Variants in PCMT1 observed in about 807,000 individuals in gnomAD.
PCMT1 encodes the protein protein-L-isoaspartate (D-aspartate) O-methyltransferase.
A neutral mutation model predicts 29.2 loss-of-function variants in PCMT1; 9 were observed. The observed-to-expected ratio is 0.31, with a 90% CI of 0.19 to 0.54. The LOEUF (loss-of-function observed/expected upper bound fraction) is 0.54. PCMT1 is among the 20% of genes least tolerant of loss of function. The pLI, the probability that PCMT1 is intolerant of heterozygous loss-of-function variation, is 0.95. For synonymous variants in PCMT1, 98 were observed against 97.5 expected, an observed-to-expected ratio of 1.00 and a Z score of -0.03; for missense variants, 184 against 282.2, an observed-to-expected ratio of 0.65 and a Z score of 2.49.
chr6:149,751,206 A>G (rs1786299870), intron 1 of PCMT1, among the ~76,000 whole-genome samples: 1 of 152,046 alleles, frequency 6.6e-6, no homozygotes, highest in Non-Finnish European at 1.5e-5. Context: ...AATCCCAGCT[A>G]CTTGTGAGGC....
intron 1 of PCMT1, among the ~76,000 whole-genome samples, chr6:149,756,283 T>TTCTAA (rs1554250801): frequency 3.1e-4 from 47 of 151,322 alleles, no homozygotes; most frequent in Admixed American, 1.3e-4. Flanking sequence ...ATGAAATTAT[T>TTCTAA]TTCTATCTAC....
intron 2 of PCMT1, 25 bp downstream of exon 2, chr6:149,771,291 T>C (rs1017676832): frequency 1.1e-5 from 14 of 1,309,408 alleles, no homozygotes; most frequent in Non-Finnish European, 1.5e-5. Context: ...TCTGAAAATA[T>C]CATAGTTTTC....
At chr6:149,761,575 A>C (rs970133582) in intron 1 of PCMT1, among the ~76,000 whole-genome samples, 2 of 152,144 alleles carry the variant, frequency 1.3e-5, no homozygotes, top group African/African-American at 4.8e-5. Flanking sequence ...GTATTTACAC[A>C]ATACAAACCT....
intron 3 of PCMT1, among the ~76,000 whole-genome samples, chr6:149,775,356 A>G (rs542646741): frequency 1.3e-5 from 2 of 152,318 alleles, no homozygotes; most frequent in African/African-American, 4.8e-5. Flanking sequence ...ATACATTTTG[A>G]AACTTACATA....
chr6:149,785,577 T>C (rs1414240072), intron 3 of PCMT1, among the ~76,000 whole-genome samples: 1 of 152,158 alleles, frequency 6.6e-6, no homozygotes, highest in African/African-American at 2.4e-5. Flanking sequence ...TTTGTGTCCC[T>C]GGGTACTTGA....
intron 1 of PCMT1, among the ~76,000 whole-genome samples, chr6:149,758,192 T>TTTCTTTC (rs1786588172): frequency 9.8e-6 from 1 of 101,712 alleles, no homozygotes; most frequent in East Asian, 6.0e-4. Flanking sequence ...CCAATTTTTT[T>TTTCTTTC]TTTCTTTCTT....
Position 149,777,643 on chromosome 6 carries a change from T to C in PCMT1, c.192+4474T>C, listed in dbSNP as rs1290440857. 3.3e-5 allele frequency among the ~76,000 whole-genome samples: 5 copies of C among 152,156 alleles called. 1 individual carries two copies. Among genetic ancestry groups the C allele is most frequent in the Non-Finnish European group, 7.3e-5 (5 of 68,028 alleles). ...ACATATGCACACATACATGCACATA[T>C]ATGTTTTTCTTTGGGAATGAAAACT... is the stretch of plus-strand genomic sequence containing the variant. On this transcript the variant is annotated intron_variant, in intron 3 of 7. Coordinates refer to ENST00000464889, the MANE Select transcript of PCMT1 (RefSeq NM_001360452.2).
At chr6:149,757,491 C>T (rs1356037528) in intron 1 of PCMT1, among the ~76,000 whole-genome samples, 1 of 152,048 alleles carries the variant, frequency 6.6e-6, no homozygotes, top group African/African-American at 2.4e-5. Context: ...ATGAAGATAA[C>T]AAGAGGATCA....
rs367861857 is a variant in PCMT1, at chr6:149,749,872, G to T, written c.-30G>T. On this transcript the variant is annotated 5_prime_UTR_variant, in exon 1 of 8. Transcript: ENST00000464889. ...GGGCACCGTCGTCGCGCTGAAGGTG[G>T]TTCTGTACCTGCTCCGAGTGTGCTT... 43 of 1,603,512 alleles carry T rather than the reference G, an allele frequency of 2.7e-5. No homozygotes were observed. In the African/African-American group the frequency reaches 5.6e-4, roughly 21 times the overall value.
Position 149,796,483 on chromosome 6 carries a change from C to G in PCMT1, c.487C>G (p.Pro163Ala). The change falls in exon 6 of 8, where the codon CCT (proline) becomes GCT (alanine). Residue 163 changes from proline to alanine, a missense_variant. Pro to Ala is a conservative substitution (Grantham distance 27). Transcript: ENST00000464889. Reference sequence around the variant, plus strand: ...TGCCATTCATGTGGGAGCTGCAGCCCCTGTTGTACCCCAGGCGGTGAGTCG... The same window carrying G: ...TGCCATTCATGTGGGAGCTGCAGCCGCTGTTGTACCCCAGGCGGTGAGTCG... Reference protein sequence around the residue: ...YDAIHVGAAAPVVPQALIDQL... With the variant: ...YDAIHVGAAAAVVPQALIDQL... The G allele has an allele frequency of 6.2e-7, 1 of 1,612,838 alleles. No homozygotes were observed. The highest frequency in any genetic ancestry group is 8.5e-7 in the Non-Finnish European group (1 of 1,179,374).
chr6:149,799,914 T>C (rs1788757831), intron 6 of PCMT1, among the ~76,000 whole-genome samples: 1 of 152,128 alleles, frequency 6.6e-6, no homozygotes, highest in African/African-American at 2.4e-5. Flanking sequence ...ATTGGTTGGA[T>C]TGGGGGAAGG....
intron 3 of PCMT1, among the ~76,000 whole-genome samples, chr6:149,786,607 C>T (rs1465040231): frequency 2.2e-5 from 3 of 139,500 alleles, no homozygotes; most frequent in South Asian, 2.3e-4. Context: ...ATGGGGCGGC[C>T]GGGCAGAGAC....
intron 1 of PCMT1, among the ~76,000 whole-genome samples, chr6:149,769,885 C>T (rs1387383736): frequency 6.7e-6 from 1 of 150,024 alleles, no homozygotes; most frequent in Non-Finnish European, 1.5e-5. Context: ...GCATGGGCCG[C>T]TGCACCTGGC....
intron 4 of PCMT1, among the ~76,000 whole-genome samples, chr6:149,792,975 A>G (rs2115317632): frequency 6.6e-6 from 1 of 152,154 alleles, no homozygotes; most frequent in African/African-American, 2.4e-5. Context: ...AGCCTGACCA[A>G]CGTGGTGAAA....
intron 3 of PCMT1, among the ~76,000 whole-genome samples, chr6:149,788,670 T>C (rs1173789725): frequency 6.6e-6 from 1 of 152,256 alleles, no homozygotes; most frequent in Non-Finnish European, 1.5e-5. Flanking sequence ...ATTAAGGTAG[T>C]GTTGACCCAG....
At chr6:149,759,035 C>A (rs1441036791) in intron 1 of PCMT1, among the ~76,000 whole-genome samples, 3 of 152,130 alleles carry the variant, frequency 2.0e-5, no homozygotes, top group Non-Finnish European at 4.4e-5. Flanking sequence ...TGCCACCATG[C>A]CCAGCTAGTT....
At chr6:149,754,325 G>A (rs1331312839) in intron 1 of PCMT1, among the ~76,000 whole-genome samples, 1 of 152,170 alleles carries the variant, frequency 6.6e-6, no homozygotes, top group African/African-American at 2.4e-5. Flanking sequence ...TTATGGACTG[G>A]TAATGTGCTC....
chr6:149,781,746 T>C (rs902409045), intron 3 of PCMT1, among the ~76,000 whole-genome samples: 6 of 152,214 alleles, frequency 3.9e-5, no homozygotes, highest in African/African-American at 1.4e-4. Flanking sequence ...TGTGTTAAAA[T>C]ACACATAACA....
chr6:149,801,780 T>C (rs1775834975), intron 6 of PCMT1, among the ~76,000 whole-genome samples: 1 of 152,164 alleles, frequency 6.6e-6, no homozygotes. Context: ...AGAACGTTTC[T>C]GCTTTCTGCC....
Sources: gnomAD v4.1 joint callset for allele counts (sites outside exome capture counted in the v4.1 genomes callset) on GRCh38, gnomAD v4.1.1 for gene constraint, MANE v1.5 for transcripts, NCBI Gene and HGNC (gene_info 2026-07-23, HGNC 2026-07-21) for gene names.